Variants in TERF1 observed in about 807,000 individuals in gnomAD.
The protein encoded by TERF1 is telomeric repeat-binding factor 1.
A neutral mutation model predicts 55.1 loss-of-function variants in TERF1; 20 were observed. The ratio of observed to expected loss-of-function variants is 0.36; its 90% CI spans 0.26 to 0.53. TERF1 has a LOEUF of 0.53. TERF1 is among the 20% of genes least tolerant of loss of function. The probability of loss-of-function intolerance (pLI) is 0.91; values close to 1 mark genes in which losing one functional copy is unlikely to be tolerated. For missense variants in TERF1, 439 were observed against 535.7 expected (o/e 0.82, Z 1.78); for synonymous variants, 168 against 181.2 (o/e 0.93, Z 0.59).
chr8:73,024,892 G>A lies in TERF1; in HGVS notation c.695G>A (p.Ser232Asn). ...DTFHSFFQHF[S>N]YNHMMEKIKS... ...TTTCATTCCTTTTTTCAACACTTCAGCTACAACCACATGATGGAGAAAATT... is the reference window on the plus strand; with the variant it reads ...TTTCATTCCTTTTTTCAACACTTCAACTACAACCACATGATGGAGAAAATT... The change falls in exon 5 of 10, where the codon AGC (serine) becomes AAC (asparagine). Residue 232 changes from serine to asparagine, a missense_variant. Transcript: ENST00000276603. 6.3e-7 allele frequency: 1 copy of A among 1,586,012 alleles called. No individual in the cohort carries two copies. The highest frequency in any genetic ancestry group is 1.3e-5 in the African/African-American group (1 of 74,378).
At chr8:73,023,135 T>G (rs993181471) in intron 4 of TERF1, among the ~76,000 whole-genome samples, 6 of 152,178 alleles carry the variant, frequency 3.9e-5, no homozygotes, top group African/African-American at 1.4e-4. Context: ...GTGGAACAAA[T>G]ATATGCATTT....
At chr8:73,027,467 A>G (rs1809062502) in intron 6 of TERF1, among the ~76,000 whole-genome samples, 1 of 152,190 alleles carries the variant, frequency 6.6e-6, no homozygotes, top group African/African-American at 2.4e-5. Context: ...TCTGGTGCTC[A>G]ACTGAAGAAA....
At chr8:73,012,406 A>C (rs983875750) in intron 1 of TERF1, 2 of 152,764 alleles carry the variant, frequency 1.3e-5, no homozygotes, top group Admixed American at 6.5e-5. Flanking sequence ...GCGGTGGCTC[A>C]TGCCTGTAAT....
rs118102993 is a variant in TERF1, at chr8:73,023,696, C to T, written c.625-1126C>T. On this transcript the variant is annotated intron_variant, in intron 4 of 9. Coordinates refer to ENST00000276603, the MANE Select transcript of TERF1 (RefSeq NM_017489.3). ...TAAGAGGTTAAGATAAGTACTTGAC[C>T]TCACTAGTATTAATGTTGCCTCATT... 3.0e-4 allele frequency among the ~76,000 whole-genome samples: 46 copies of T among 152,210 alleles called. 2 individuals carry two copies. In the East Asian group the frequency reaches 7.1e-3, roughly 24 times the overall value.
chr8:73,022,134 A>T (rs1042721913), intron 3 of TERF1, 82 bp from the exon 4 acceptor site: 1 of 791,628 alleles, frequency 1.3e-6, no homozygotes, highest in Non-Finnish European at 2.0e-6. Context: ...AGGATTTCAG[A>T]CTTACCTGAG....
chr8:73,021,581 C>T (rs1302813413), intron 3 of TERF1, among the ~76,000 whole-genome samples: 1 of 152,104 alleles, frequency 6.6e-6, no homozygotes, highest in African/African-American at 2.4e-5. Flanking sequence ...TCACATAAAA[C>T]TCTTACATCC....
At chr8:73,023,266 A>G (rs185395844) in intron 4 of TERF1, among the ~76,000 whole-genome samples, 1 of 152,360 alleles carries the variant, frequency 6.6e-6, no homozygotes, top group East Asian at 1.9e-4. Flanking sequence ...GTAGTGTGAA[A>G]GAATTCTAGT....
At chr8:73,014,819 TG>T (rs1291836914) in intron 2 of TERF1, among the ~76,000 whole-genome samples, 2 of 152,112 alleles carry the variant, frequency 1.3e-5, no homozygotes, top group Non-Finnish European at 2.9e-5. Flanking sequence ...CTGCTTTGTT[TG>T]GGGGGTGAGG....
chr8:73,030,473 A>G, intron 7 of TERF1, 78 bp downstream of exon 7: 2 of 922,494 alleles, frequency 2.2e-6, no homozygotes, highest in Non-Finnish European at 3.1e-6. Context: ...AATAAAAACT[A>G]CCACATAAAT....
intron 1 of TERF1, chr8:73,012,963 A>G (rs1460948511): frequency 1.1e-5 from 5 of 455,688 alleles, no homozygotes; most frequent in African/African-American, 6.0e-5. Context: ...TTTAAATTCT[A>G]TATAAATTTT....
intron 6 of TERF1, 101 bp from the exon 7 acceptor site, chr8:73,030,235 T>G: frequency 1.3e-6 from 1 of 753,868 alleles, no homozygotes; most frequent in Non-Finnish European, 2.1e-6. Flanking sequence ...TCCAAAGTTA[T>G]TTTTTTATAA....
intron 8 of TERF1, among the ~76,000 whole-genome samples, chr8:73,037,886 GATATA>G (rs1809662413): frequency 9.4e-6 from 1 of 106,666 alleles, no homozygotes. Flanking sequence ...ATATAAATAT[GATATA>G]TAATATATAT....
chr8:73,015,729 C>T (rs1563456520), intron 2 of TERF1, among the ~76,000 whole-genome samples: 1 of 152,006 alleles, frequency 6.6e-6, no homozygotes, highest in East Asian at 1.9e-4. Context: ...CCTCTGGAGA[C>T]TGAGGTAGGA....
At chr8:73,029,104 G>A (rs1222791825) in intron 6 of TERF1, among the ~76,000 whole-genome samples, 1 of 152,156 alleles carries the variant, frequency 6.6e-6, no homozygotes, top group East Asian at 1.9e-4. Flanking sequence ...TGTCATGACA[G>A]TTACCAGTAA....
chr8:73,022,968 C>T (rs1234673317), intron 4 of TERF1, among the ~76,000 whole-genome samples: 3 of 152,048 alleles, frequency 2.0e-5, no homozygotes, highest in African/African-American at 7.2e-5. Context: ...ATAGTATTTG[C>T]ATATAACATA....
intron 4 of TERF1, among the ~76,000 whole-genome samples, chr8:73,022,702 T>C (rs1808817862): frequency 6.6e-6 from 1 of 152,068 alleles, no homozygotes; most frequent in Admixed American, 6.6e-5. Flanking sequence ...ATACCAGTAC[T>C]TTAGGAGGCT....
chr8:73,043,484 ATATT>A (rs1809912394), intron 9 of TERF1: 1 of 152,174 alleles, frequency 6.6e-6, no homozygotes, highest in Non-Finnish European at 1.5e-5. Context: ...GATTTATAAT[ATATT>A]TATTACTAAT....
At chr8:73,030,147 C>T in intron 6 of TERF1, 189 bp from the exon 7 acceptor site, 1 of 393,956 alleles carries the variant, frequency 2.5e-6, no homozygotes, top group East Asian at 3.8e-5. Context: ...TGGTTTAATA[C>T]CTCTTATAAG....
At chr8:73,024,453 GAATTCTA>G (rs1206972357) in intron 4 of TERF1, among the ~76,000 whole-genome samples, 1 of 152,138 alleles carries the variant, frequency 6.6e-6, no homozygotes. Flanking sequence ...TGGGAATGGT[GAATTCTA>G]AATTCAGGGT....
Sources: gnomAD v4.1 joint callset for allele counts (sites outside exome capture counted in the v4.1 genomes callset) on GRCh38, gnomAD v4.1.1 for gene constraint, MANE v1.5 for transcripts, NCBI Gene and HGNC (gene_info 2026-07-23, HGNC 2026-07-21) for gene names.